The following MYH11 variants were observed in gnomAD, a reference collection of about 807,000 sequenced individuals.
MYH11 encodes myosin heavy chain 11, also known as myosin-11.
A neutral mutation model predicts 246.6 loss-of-function variants in MYH11; 80 were observed. The observed-to-expected ratio is 0.32, with a 90% CI of 0.27 to 0.39. The LOEUF (loss-of-function observed/expected upper bound fraction) is 0.39, where lower values mean the gene tolerates loss of function less well. Among genes scored for constraint, MYH11 ranks in the 10% least tolerant of loss-of-function variants. The probability of loss-of-function intolerance (pLI) is 1.00; values close to 1 mark genes in which losing one functional copy is unlikely to be tolerated. For synonymous variants in MYH11, 1,071 were observed against 1,015.5 expected (o/e 1.05, Z -1.04); for missense variants, 2,158 against 2,546.8 (o/e 0.85, Z 3.29).
intron 4 of MYH11, among the ~76,000 whole-genome samples, chr16:15,792,900 G>T (rs1477170360): frequency 6.6e-6 from 1 of 152,082 alleles, no homozygotes; most frequent in Non-Finnish European, 1.5e-5. Flanking sequence ...ATCACGCTCA[G>T]CTAATTTTTG....
chr16:15,732,888 G>A, intron 26 of MYH11, 180 bp from the exon 27 acceptor site: 1 of 697,186 alleles, frequency 1.4e-6, no homozygotes, highest in Non-Finnish European at 2.5e-6. Flanking sequence ...TTCCTCAGCT[G>A]CAAAATGTGG....
At chr16:15,777,961 C>T (rs1314376728) in intron 7 of MYH11, among the ~76,000 whole-genome samples, 1 of 152,002 alleles carries the variant, frequency 6.6e-6, no homozygotes, top group Non-Finnish European at 1.5e-5. Flanking sequence ...GGGCACATAA[C>T]GTGGAAAAAT....
intron 5 of MYH11, among the ~76,000 whole-genome samples, chr16:15,783,723 TGG>T (rs1468415720): frequency 6.6e-6 from 1 of 152,064 alleles, no homozygotes; most frequent in Non-Finnish European, 1.5e-5. Context: ...CTTTCTAGAA[TGG>T]GGATTCTGGC....
At chr16:15,712,801 C>CTGGCCAT (rs111886828) in intron 40 of MYH11, 42,478 of 149,638 alleles carry the variant, frequency 0.28, 6,770 homozygotes, top group East Asian at 0.47. Flanking sequence ...CAGGGGACCT[C>CTGGCCAT]TGGCCATTAG....
rs1555551468 is a variant in MYH11 at position 15,719,591 on chromosome 16, T to C, written c.5076A>G (p.Leu1692=). Reference sequence around the variant, plus strand: ...TAGCAAGGCGAGGCTTTACCTCTTGTAGCTGCATGAGGTCTGCTTCCAAGC... The same window carrying C: ...TAGCAAGGCGAGGCTTTACCTCTTGCAGCTGCATGAGGTCTGCTTCCAAGC... ...AKSLEADLMQ[L]QEDLAAAERA... is the part of the protein sequence containing the mutation. The change falls in exon 35 of 41, where the codon CTA becomes CTG. Residue 1692 remains leucine, a synonymous_variant. Coordinates refer to ENST00000300036, the MANE Select transcript of MYH11 (RefSeq NM_002474.3). The C allele has an allele frequency of 3.1e-6, 5 of 1,614,058 alleles. No individual in the cohort carries two copies. Among genetic ancestry groups the C allele is most frequent in the Non-Finnish European group, 4.2e-6 (5 of 1,180,054 alleles).
At chr16:15,833,328 A>C (rs1448040641) in intron 2 of MYH11, among the ~76,000 whole-genome samples, 1 of 151,380 alleles carries the variant, frequency 6.6e-6, no homozygotes, top group Non-Finnish European at 1.5e-5. Context: ...GAAGAAAGAA[A>C]AAAGAAGACA....
chr16:15,730,513 G>T (rs893633861), intron 27 of MYH11, among the ~76,000 whole-genome samples: 36 of 152,256 alleles, frequency 2.4e-4, no homozygotes, highest in African/African-American at 7.5e-4. Flanking sequence ...CTGAACTCCA[G>T]CCTGAGTGAC....
intron 40 of MYH11, among the ~76,000 whole-genome samples, chr16:15,712,477 A>G (rs11866843): frequency 0.066 from 10,049 of 152,052 alleles, 598 homozygotes; most frequent in African/African-American, 0.15. Context: ...GTGCAACCCC[A>G]TCTCTACTAA....
chr16:15,708,650 G>C (rs1204658035), intron 40 of MYH11, among the ~76,000 whole-genome samples: 2 of 152,190 alleles, frequency 1.3e-5, no homozygotes, highest in Non-Finnish European at 2.9e-5. Flanking sequence ...TTCAATGAAA[G>C]CTTTGCACAA....
At position 15,740,201 on chromosome 16, in the gene MYH11, G is replaced by A. The variant is rs1384930485; in HGVS notation, c.2860-13C>T. On this transcript the variant is annotated splice_polypyrimidine_tract_variant and intron_variant, in intron 22 of 40. Coordinates refer to ENST00000300036, the MANE Select transcript of MYH11 (RefSeq NM_002474.3). Reference sequence around the variant, plus strand: ...GTTCTTCAAGGTCCTTTGTTGTGGAGGGAAAAGAGTAACAGCTTTGGTTAT... The same window carrying A: ...GTTCTTCAAGGTCCTTTGTTGTGGAAGGAAAAGAGTAACAGCTTTGGTTAT... 1 of 1,614,122 alleles carries A rather than the reference G, an allele frequency of 6.2e-7. No individual in the cohort carries two copies. The highest frequency in any genetic ancestry group is 1.7e-5 in the Admixed American group (1 of 60,012).
chr16:15,798,200 C>A (rs1197794504), intron 4 of MYH11, among the ~76,000 whole-genome samples: 2 of 152,150 alleles, frequency 1.3e-5, no homozygotes, highest in African/African-American at 2.4e-5. Flanking sequence ...GTACCTAGGT[C>A]TTCAAAGAAA....
chr16:15,814,812 C>A (rs1170360207), intron 3 of MYH11, among the ~76,000 whole-genome samples: 1 of 152,120 alleles, frequency 6.6e-6, no homozygotes, highest in African/African-American at 2.4e-5. Context: ...GACTGCCCTT[C>A]TCACACCCCA....
At chr16:15,745,582 C>CTTTTTTTTTTTTTT (rs71981525) in intron 19 of MYH11, among the ~76,000 whole-genome samples, 12 of 94,386 alleles carry the variant, frequency 1.3e-4, no homozygotes, top group Admixed American at 1.3e-4. Flanking sequence ...TTCTTTCTTT[C>CTTTTTTTTTTTTTT]TTTTTTTTTT....
At chr16:15,776,241 TC>T in intron 7 of MYH11, 65 bp from the exon 8 acceptor site, 1 of 1,059,782 alleles carries the variant, frequency 9.4e-7, no homozygotes, top group Non-Finnish European at 1.5e-6. Context: ...TCCACCTCCA[TC>T]CCTGTCACAC....
Position 15,840,594 on chromosome 16 carries a change from C to T in MYH11, c.-17-2325G>A, listed in dbSNP as rs9923459. On this transcript the variant is annotated intron_variant, in intron 1 of 40. Coordinates refer to ENST00000300036, the MANE Select transcript of MYH11 (RefSeq NM_002474.3). Reference sequence around the variant, plus strand: ...AAAAAAATTAAAAATTAGCCTGGCACGGTGGTGCATGCCTACGGTTCCAGC... The same window carrying T: ...AAAAAAATTAAAAATTAGCCTGGCATGGTGGTGCATGCCTACGGTTCCAGC... Among the ~76,000 whole-genome samples the T allele has an allele frequency of 9.7e-3, 1,470 of 152,004 alleles. 30 individuals carry two copies. Among genetic ancestry groups the T allele is most frequent in the African/African-American group, 0.033 (1,387 of 41,458 alleles).
intron 3 of MYH11, among the ~76,000 whole-genome samples, chr16:15,807,601 G>A (rs2043043211): frequency 6.6e-6 from 1 of 152,104 alleles, no homozygotes; most frequent in Non-Finnish European, 1.5e-5. Context: ...ACACAGTACC[G>A]AGCCTCCGTG....
rs779249687 is a variant in MYH11, at chr16:15,715,044, C to T, written c.5651G>A (p.Arg1884Lys). Residue 1884 changes from arginine to lysine, a missense_variant, in exon 40 of 41, where the codon AGG becomes AAG. Arg to Lys is a conservative substitution (Grantham distance 26). Transcript: ENST00000300036. ...CTCCTCCTCTGCCTCCTCCAGCTGCCTCTTGAGCTGCTTGACCCTGGCATT... is the reference window on the plus strand; with the variant it reads ...CTCCTCCTCTGCCTCCTCCAGCTGCTTCTTGAGCTGCTTGACCCTGGCATT... Reference protein sequence around the residue: ...KGNARVKQLKRQLEEAEEESQ... With the variant: ...KGNARVKQLKKQLEEAEEESQ... 1.2e-6 allele frequency: 2 copies of T among 1,613,746 alleles called. No homozygotes were observed. The highest frequency in any genetic ancestry group is 1.7e-5 in the Admixed American group (1 of 60,016).
At chr16:15,822,713 T>G (rs986466318) in intron 3 of MYH11, among the ~76,000 whole-genome samples, 2 of 152,030 alleles carry the variant, frequency 1.3e-5, no homozygotes, top group African/African-American at 4.8e-5. Context: ...AGACCCTGTC[T>G]CAAAAATAAT....
At chr16:15,803,500 C>T (rs1410256520) in intron 3 of MYH11, among the ~76,000 whole-genome samples, 3 of 152,056 alleles carry the variant, frequency 2.0e-5, no homozygotes, top group African/African-American at 4.8e-5. Flanking sequence ...TGGTCTCGAA[C>T]TCCTGACCTC....
Sources: gnomAD v4.1 joint callset for allele counts (sites outside exome capture counted in the v4.1 genomes callset) on GRCh38, gnomAD v4.1.1 for gene constraint, MANE v1.5 for transcripts, NCBI Gene and HGNC (gene_info 2026-07-23, HGNC 2026-07-21) for gene names.